Variants in BST2 observed in about 807,000 individuals in gnomAD.
BST2 encodes the protein bone marrow stromal antigen 2.
Under a neutral mutation model 18.6 loss-of-function variants are expected in BST2, and 10 were observed. That is an observed-to-expected ratio of 0.54 (90% CI 0.33 to 0.91). The LOEUF (loss-of-function observed/expected upper bound fraction) is 0.91, where lower values mean the gene tolerates loss of function less well. BST2 is among the 40% of genes least tolerant of loss of function. The pLI is 0.02. For missense variants in BST2, 183 were observed against 228.4 expected (o/e 0.80, Z 1.28); for synonymous variants, 75 against 96.8 (o/e 0.77, Z 1.32).
Position 17,403,668 on chromosome 19 carries a change from C to G in BST2, c.*15+12G>C, listed in dbSNP as rs199660752. 1,175 of 1,608,828 alleles carry G rather than the reference C, an allele frequency of 7.3e-4. 16 individuals carry two copies. In the South Asian group the frequency reaches 0.011, roughly 16 times the overall value. On this transcript the variant is annotated intron_variant, in intron 4 of 4. Coordinates refer to ENST00000252593, the MANE Select transcript of BST2 (RefSeq NM_004335.4). ...TTCTTCTCCCTCCCGGGGCCGCCCC[C>G]TCCTCACTGACCAGCTTCCTGGGAT...
chr19:17,403,778 A>C lies in BST2; in HGVS notation c.460T>G (p.Tyr154Asp). ...GAGCTGGAGTCCTGGGAGCTGGGGT[A>C]GTACTTCTTGTCCGCGATTCTCACG... ...LSVRIADKKY[Y>D]PSSQDSSSAA... Residue 154 changes from tyrosine to aspartate, a missense_variant, in exon 4 of 5, where the codon TAC (tyrosine) becomes GAC (aspartate). By Grantham distance (160) the Tyr-to-Asp change is radical. Transcript: ENST00000252593. The C allele has an allele frequency of 6.2e-7, 1 of 1,613,986 alleles. No homozygotes were observed. The highest frequency in any genetic ancestry group is 8.5e-7 in the Non-Finnish European group (1 of 1,179,990).
chr19:17,405,377 TGA>T lies in BST2; in HGVS notation c.197_198del (p.Val66AspfsTer51). 10 of 1,614,160 alleles carry T rather than the reference TGA, an allele frequency of 6.2e-6. No individual in the cohort carries two copies. Among genetic ancestry groups the T allele is most frequent in the Non-Finnish European group, 8.5e-6 (10 of 1,180,022 alleles). ...GLRAVMECRN[V>X]THLLQQELTE... ...GTCAGCTCTTGTTGCAGGAGATGGGTGACATTGCGACACTCCATCACTGCCCG... is the reference window on the plus strand; with the variant it reads ...GTCAGCTCTTGTTGCAGGAGATGGGTCATTGCGACACTCCATCACTGCCCG... On this transcript the variant is annotated frameshift_variant, in exon 1 of 5. Coordinates refer to ENST00000252593, the MANE Select transcript of BST2 (RefSeq NM_004335.4). LOFTEE classifies it high-confidence loss of function.
intron 2 of BST2, 67 bp downstream of exon 2, chr19:17,404,304 C>A (rs2074713566): frequency 2.0e-6 from 3 of 1,526,830 alleles, no homozygotes; most frequent in South Asian, 1.1e-5. Context: ...CCTGGTCTCC[C>A]TGCCCCCACC....
chr19:17,403,812 C>T lies in BST2; in HGVS notation c.426G>A (p.Gln142=). Residue 142 remains glutamine, a synonymous_variant, in exon 4 of 5, where the codon CAG becomes CAA. Coordinates refer to ENST00000252593, the MANE Select transcript of BST2 (RefSeq NM_004335.4). ...AEVERLRREN[Q]VLSVRIADKK... ...TGTCCGCGATTCTCACGCTTAAGACCTGGTTTTCTCTTCTGCGGTACAGAT... is the reference window on the plus strand; with the variant it reads ...TGTCCGCGATTCTCACGCTTAAGACTTGGTTTTCTCTTCTGCGGTACAGAT... The T allele has an allele frequency of 6.3e-7, 1 of 1,577,172 alleles. No individual in the cohort carries two copies. Among genetic ancestry groups the T allele is most frequent in the Non-Finnish European group, 8.6e-7 (1 of 1,166,984 alleles).
intron 1 of BST2, 90 bp from the exon 2 acceptor site, chr19:17,404,527 A>C: frequency 6.3e-7 from 1 of 1,588,612 alleles, no homozygotes; most frequent in Non-Finnish European, 8.6e-7. Flanking sequence ...CTGGGGACAG[A>C]GGGGCTTAAA....
Position 17,403,773 on chromosome 19 carries a change from G to T in BST2, c.465C>A (p.Pro155=), listed in dbSNP as rs935647259. The part of the protein sequence containing the change: ...SVRIADKKYY[P]SSQDSSSAAA... ...CAGCGGAGCTGGAGTCCTGGGAGCT[G>T]GGGTAGTACTTCTTGTCCGCGATTC... The change falls in exon 4 of 5, where the codon CCC becomes CCA. Residue 155 remains proline, a synonymous_variant. Transcript: ENST00000252593. 6.2e-7 allele frequency: 1 copy of T among 1,614,038 alleles called. No individual in the cohort carries two copies. The highest frequency in any genetic ancestry group is 8.5e-7 in the Non-Finnish European group (1 of 1,180,006).
rs546679666 is a variant in BST2, at chr19:17,404,425, C to T, written c.298G>A (p.Ala100Thr). 1 of 1,614,052 alleles carries T rather than the reference C, an allele frequency of 6.2e-7. No homozygotes were observed. The highest frequency in any genetic ancestry group is 8.5e-7 in the Non-Finnish European group (1 of 1,180,008). ...TGGGCCTTCTCTGCATCCAGGGAAG[C>T]CATTAGGGCCATCTAAGAAGAGTTA... ...TCNHTVMALM[A>T]SLDAEKAQGQ... The change falls in exon 2 of 5, where the codon GCT (alanine) becomes ACT (threonine). Residue 100 changes from alanine (A) to threonine (T), a missense_variant. By Grantham distance (58) the Ala-to-Thr change is moderately conservative (BLOSUM62 0). Transcript: ENST00000252593.
intron 3 of BST2, 128 bp downstream of exon 3, chr19:17,404,001 G>T: frequency 2.2e-6 from 3 of 1,334,828 alleles, no homozygotes; most frequent in Non-Finnish European, 3.1e-6. Flanking sequence ...CCTTTTGTGG[G>T]ACTCAAACTT....
chr19:17,403,885 A>T, intron 3 of BST2, 61 bp from the exon 4 acceptor site: 1 of 1,574,656 alleles, frequency 6.4e-7, no homozygotes, highest in Non-Finnish European at 8.6e-7. Flanking sequence ...CCTCCCTGTA[A>T]GCCCACCGCC....
Position 17,403,709 on chromosome 19 carries a change from C to G in BST2, c.529G>C (p.Ala177Pro). The change falls in exon 4 of 5, where the codon GCT (alanine) becomes CCT (proline). Residue 177 changes from alanine to proline, a missense_variant. Transcript: ENST00000252593. ...QLLIVLLGLS[A>P]LLQ ...TTCCTGGGATCTCACTGCAGCAGAG[C>G]GCTGAGGCCCAGCAGCACAATCAGC... 2 of 1,613,408 alleles carry G rather than the reference C, an allele frequency of 1.2e-6. No individual in the cohort carries two copies. Among genetic ancestry groups the G allele is most frequent in the Non-Finnish European group, 1.7e-6 (2 of 1,179,944 alleles).
chr19:17,403,548 C>T, intron 4 of BST2, 132 bp downstream of exon 4: 1 of 1,206,702 alleles, frequency 8.3e-7, no homozygotes, highest in Non-Finnish European at 1.1e-6. Flanking sequence ...CTCCCTCCTT[C>T]CCCAAGGCCC....
In BST2 at chr19:17,405,276, A is replaced by T. The variant is rs1302031520; in HGVS notation, c.285+15T>A. 3.8e-6 allele frequency: 6 copies of T among 1,598,244 alleles called. No homozygotes were observed. The highest frequency in any genetic ancestry group is 2.1e-4 in the Middle Eastern group (1 of 4,784). The stretch of plus-strand genomic sequence containing the variant: ...CGCCTAGTACTAGGCCATCCAAAGG[A>T]GTTGAGGAGCTTACCACAGTGTGGT... On this transcript the variant is annotated intron_variant, in intron 1 of 4. Transcript: ENST00000252593.
At chr19:17,403,466 GC>G (rs1265816723) in intron 4 of BST2, 140 bp from the exon 5 acceptor site, 1 of 319,932 alleles carries the variant, frequency 3.1e-6, no homozygotes, top group Non-Finnish European at 3.6e-6. Flanking sequence ...CGATAGACCC[GC>G]CCCCATTGAT....
chr19:17,405,459 C>T lies in BST2; in HGVS notation c.117G>A (p.Val39=), dbSNP rs781739841. 4.3e-6 allele frequency: 7 copies of T among 1,614,234 alleles called. No individual in the cohort carries two copies. The highest frequency in any genetic ancestry group is 5.9e-6 in the Non-Finnish European group (7 of 1,180,040). ...LVLLIIVILG[V]PLIIFTIKAN... The stretch of plus-strand genomic sequence containing the variant: ...CCTTGATGGTGAAGATAATCAAGGG[C>T]ACCCCCAGAATCACGATGATCAGGA... Residue 39 remains valine, a synonymous_variant, in exon 1 of 5, where the codon GTG becomes GTA. Transcript: ENST00000252593.
intron 4 of BST2, 59 bp downstream of exon 4, chr19:17,403,621 T>TG: frequency 1.9e-6 from 3 of 1,568,238 alleles, no homozygotes; most frequent in Non-Finnish European, 2.6e-6. Context: ...AGCCTCTGCT[T>TG]CCCCGCCCCG....
chr19:17,405,194 C>A, intron 1 of BST2, 97 bp downstream of exon 1: 1 of 1,424,740 alleles, frequency 7.0e-7, no homozygotes, highest in Non-Finnish European at 9.3e-7. Context: ...TCCCCTGCAT[C>A]TCCCTGGAGA....
chr19:17,404,340 T>G, intron 2 of BST2, 31 bp downstream of exon 2: 1 of 904,740 alleles, frequency 1.1e-6, no homozygotes, highest in Non-Finnish European at 1.6e-6. Context: ...GACTCACCCC[T>G]CCCCGGCCCT....
Position 17,403,934 on chromosome 19 carries a change from C to T in BST2, c.414-110G>A, listed in dbSNP as rs539435716. The T allele has an allele frequency of 8.2e-6, 12 of 1,456,576 alleles. No homozygotes were observed. The African/African-American group carries it at 1.1e-4, about 13-fold the overall frequency. The allele number at this position is 1,456,576 out of a possible 1,614,324, so 90.2% of individuals were successfully genotyped here. ...CCCGCACCGCCCCAATCCAAGTCAC[C>T]GGGGAGGGAATGGACAGCGGCCACC... On this transcript the variant is annotated intron_variant, in intron 3 of 4. Transcript: ENST00000252593.
At chr19:17,403,873 G>A (rs200901635) in intron 3 of BST2, 49 bp from the exon 4 acceptor site, 240 of 1,587,028 alleles carry the variant, frequency 1.5e-4, no homozygotes, top group Non-Finnish European at 2.0e-4. Flanking sequence ...GGCTCCTGCC[G>A]CCCTCCCTGT....
Sources: gnomAD v4.1 joint callset for allele counts on GRCh38, gnomAD v4.1.1 for gene constraint, MANE v1.5 for transcripts, NCBI Gene and HGNC (gene_info 2026-07-23, HGNC 2026-07-21) for gene names.